The following GPATCH2L variants were observed in gnomAD, a reference collection of about 807,000 sequenced individuals.
GPATCH2L encodes G patch domain-containing protein 2-like.
Under a neutral mutation model 57.4 loss-of-function variants are expected in GPATCH2L, and 31 were observed. The observed-to-expected ratio is 0.54, with a 90% CI of 0.41 to 0.73. The LOEUF (loss-of-function observed/expected upper bound fraction) is 0.73, where lower values mean the gene tolerates loss of function less well. GPATCH2L is among the 30% of genes least tolerant of loss of function. GPATCH2L has a pLI of 0.00. For missense variants in GPATCH2L, 481 were observed against 599.9 expected (o/e 0.80, Z 2.07); for synonymous variants, 199 against 210.7 (o/e 0.94, Z 0.48).
intron 9 of GPATCH2L, among the ~76,000 whole-genome samples, chr14:76,197,205 A>G (rs563108771): frequency 8.5e-5 from 13 of 152,230 alleles, no homozygotes; most frequent in South Asian, 2.1e-4. Flanking sequence ...TTCTTTTTAT[A>G]TAAAACAAGA....
downstream of GPATCH2L, among the ~76,000 whole-genome samples, chr14:76,215,933 TA>T (rs900189947): frequency 6.6e-6 from 1 of 151,252 alleles, no homozygotes; most frequent in South Asian, 2.1e-4. Context: ...AAATAAAAAT[TA>T]AAAAAAATGA....
chr14:76,233,606 T>C (rs954466344), intron 2 of GPATCH2L, among the ~76,000 whole-genome samples: 2 of 152,154 alleles, frequency 1.3e-5, no homozygotes, highest in African/African-American at 2.4e-5. Context: ...ATAGTGTTTT[T>C]GAAGAAAATC....
At chr14:76,232,786 G>A (rs981836355) in intron 2 of GPATCH2L, among the ~76,000 whole-genome samples, 1 of 152,160 alleles carries the variant, frequency 6.6e-6, no homozygotes, top group Non-Finnish European at 1.5e-5. Context: ...GCACTGATAT[G>A]TAACAATGCA....
At chr14:76,159,375 G>C (rs147071861) in intron 2 of GPATCH2L, among the ~76,000 whole-genome samples, 2 of 152,128 alleles carry the variant, frequency 1.3e-5, no homozygotes, top group Non-Finnish European at 2.9e-5. Context: ...CGCAGAATTT[G>C]TTCAAAGGCC....
intron 2 of GPATCH2L, among the ~76,000 whole-genome samples, chr14:76,165,703 A>G (rs1432385267): frequency 1.3e-5 from 2 of 152,164 alleles, no homozygotes; most frequent in Non-Finnish European, 2.9e-5. Context: ...TTTAATTGGC[A>G]TTTTTAAGAT....
chr14:76,182,362 A>AG (rs1491514147), intron 8 of GPATCH2L, among the ~76,000 whole-genome samples: 2 of 107,382 alleles, frequency 1.9e-5, no homozygotes, highest in African/African-American at 6.5e-5. Context: ...GTCTCAGAAA[A>AG]GAAAAAAAAA....
chr14:76,180,891 C>G (rs780856671), intron 8 of GPATCH2L, 42 bp downstream of exon 8: 1 of 1,176,366 alleles, frequency 8.5e-7, no homozygotes, highest in East Asian at 2.3e-5. Context: ...CTGGACAATA[C>G]TATATTCCTT....
chr14:76,200,145 T>C (rs930298327), intron 9 of GPATCH2L, among the ~76,000 whole-genome samples: 2 of 152,018 alleles, frequency 1.3e-5, no homozygotes, highest in African/African-American at 4.8e-5. Flanking sequence ...GAAAGGAACA[T>C]AGTGGTTGCC....
intron 1 of GPATCH2L, among the ~76,000 whole-genome samples, chr14:76,229,580 G>A (rs976146265): frequency 6.6e-6 from 1 of 152,138 alleles, no homozygotes; most frequent in Non-Finnish European, 1.5e-5. Context: ...GTTCTCCCGA[G>A]AAGCTGCCCT....
At chr14:76,164,855 T>A (rs1286061710) in intron 2 of GPATCH2L, among the ~76,000 whole-genome samples, 1 of 152,208 alleles carries the variant, frequency 6.6e-6, no homozygotes, top group Non-Finnish European at 1.5e-5. Context: ...CCTATGATAA[T>A]ATACTTGTCA....
intron 9 of GPATCH2L, among the ~76,000 whole-genome samples, chr14:76,199,218 A>C (rs1432564266): frequency 1.3e-5 from 2 of 152,150 alleles, no homozygotes; most frequent in Non-Finnish European, 2.9e-5. Context: ...ATCTTTAAAA[A>C]TCTTCTCCCT....
Position 76,209,301 on chromosome 14 carries a change from T to A in GPATCH2L, c.*7450T>A, listed in dbSNP as rs1221281666. On this transcript the variant is annotated 3_prime_UTR_variant, in exon 10 of 10. Transcript: ENST00000261530. The stretch of plus-strand genomic sequence containing the variant: ...TGTATGCCAGTGAGTTCCTTTGCCA[T>A]ACCACCTTAATGCACCAACTTAAAA... The A allele has an allele frequency of 6.6e-6, 1 of 152,300 alleles. No homozygotes were observed. Among genetic ancestry groups the A allele is most frequent in the African/African-American group, 2.4e-5 (1 of 41,456 alleles). 9.4% of individuals were successfully genotyped at this position (152,300 alleles called of 1,614,324 possible).
intron 1 of GPATCH2L, among the ~76,000 whole-genome samples, chr14:76,225,553 T>G: frequency 2.0e-5 from 3 of 151,984 alleles, no homozygotes; most frequent in Admixed American, 2.0e-4. Context: ...AGGTAAAGAT[T>G]TAAAAAATAA....
At position 76,204,971 on chromosome 14, in the gene GPATCH2L, G is replaced by A. The variant is rs1001338723; in HGVS notation, c.*3120G>A. ...TGTGTTGCCTTTTGTTGTTGTTGTT[G>A]TTGTTGTTGTTTCCTAGAGACAGGT... is the stretch of plus-strand genomic sequence containing the variant. On this transcript the variant is annotated 3_prime_UTR_variant, in exon 10 of 10. Transcript: ENST00000261530. The A allele has an allele frequency of 1.3e-5, 2 of 152,132 alleles. No homozygotes were observed. Among genetic ancestry groups the A allele is most frequent in the African/African-American group, 4.8e-5 (2 of 41,412 alleles). 9.4% of individuals were successfully genotyped at this position (152,132 alleles called of 1,614,324 possible). A position where few individuals can be genotyped will look rare whatever the true frequency, so the allele number is the denominator to read the frequency against.
chr14:76,222,943 G>A (rs1398789793), intron 1 of GPATCH2L, among the ~76,000 whole-genome samples: 12 of 143,404 alleles, frequency 8.4e-5, no homozygotes, highest in African/African-American at 3.1e-4. Flanking sequence ...GCAACAGAGT[G>A]AGACTGTGTT....
intron 9 of GPATCH2L, among the ~76,000 whole-genome samples, chr14:76,199,954 C>T (rs1322272570): frequency 6.6e-6 from 1 of 152,146 alleles, no homozygotes; most frequent in Non-Finnish European, 1.5e-5. Context: ...ACACAATTTG[C>T]CGTATATATA....
chr14:76,175,629 T>C (rs997389177), intron 5 of GPATCH2L: 2 of 152,192 alleles, frequency 1.3e-5, no homozygotes, highest in Non-Finnish European at 2.9e-5. Flanking sequence ...GGCATAGCTA[T>C]AAGAAATGCA....
intron 7 of GPATCH2L, 36 bp downstream of exon 7, chr14:76,178,078 T>A: frequency 6.6e-7 from 1 of 1,525,480 alleles, no homozygotes; most frequent in Non-Finnish European, 9.0e-7. Context: ...TTGATTTTCT[T>A]GGAGAACCGT....
intron 3 of GPATCH2L, among the ~76,000 whole-genome samples, chr14:76,167,150 A>G (rs1339451557): frequency 6.6e-6 from 1 of 152,162 alleles, no homozygotes; most frequent in East Asian, 1.9e-4. Flanking sequence ...CTTATTTATA[A>G]ATGATTATAG....
Sources: gnomAD v4.1 joint callset for allele counts (sites outside exome capture counted in the v4.1 genomes callset) on GRCh38, gnomAD v4.1.1 for gene constraint, MANE v1.5 for transcripts, NCBI Gene and HGNC (gene_info 2026-07-23, HGNC 2026-07-21) for gene names.